Variants in ANKRD44 observed in about 807,000 individuals in gnomAD.
ANKRD44 encodes the protein serine/threonine-protein phosphatase 6 regulatory ankyrin repeat subunit B.
A neutral mutation model predicts 116.0 loss-of-function variants in ANKRD44; 35 were observed. The observed-to-expected ratio is 0.30, with a 90% CI of 0.23 to 0.40. The LOEUF (loss-of-function observed/expected upper bound fraction) is 0.40, where lower values mean the gene tolerates loss of function less well. Ranked by LOEUF, ANKRD44 falls within the 10% of genes least tolerant of loss-of-function variation. ANKRD44 has a pLI of 1.00. For synonymous variants in ANKRD44, 435 were observed against 461.8 expected (o/e 0.94, Z 0.74); for missense variants, 1,014 against 1,242.6 (o/e 0.82, Z 2.77).
intron 8 of ANKRD44, among the ~76,000 whole-genome samples, chr2:197,119,041 T>C (rs2078790478): frequency 6.6e-6 from 1 of 152,192 alleles, no homozygotes; most frequent in South Asian, 2.1e-4. Flanking sequence ...TTGATTTGTA[T>C]GAGCTCTTTT....
chr2:197,131,012 G>A (rs1427435696), intron 4 of ANKRD44, among the ~76,000 whole-genome samples: 1 of 152,164 alleles, frequency 6.6e-6, no homozygotes, highest in Non-Finnish European at 1.5e-5. Context: ...AGCTTCTCTA[G>A]TCACACTTTC....
chr2:197,158,521 T>C (rs1362526252), intron 2 of ANKRD44, among the ~76,000 whole-genome samples: 1 of 152,128 alleles, frequency 6.6e-6, no homozygotes, highest in East Asian at 1.9e-4. Flanking sequence ...AACATAATCA[T>C]CTGGGAAACT....
intron 15 of ANKRD44, 147 bp downstream of exon 15, chr2:197,081,497 GT>G: frequency 1.4e-6 from 1 of 700,790 alleles, no homozygotes; most frequent in Non-Finnish European, 2.5e-6. Context: ...TAAAAGAATA[GT>G]TTCTTCCCCA....
chr2:197,093,598 A>G (rs1437635468), intron 10 of ANKRD44, among the ~76,000 whole-genome samples: 2 of 152,250 alleles, frequency 1.3e-5, no homozygotes, highest in South Asian at 2.1e-4. Context: ...GCGCTTGCAT[A>G]TGAAACTATG....
chr2:197,222,820 A>AT (rs533208791), intron 1 of ANKRD44, among the ~76,000 whole-genome samples: 43,212 of 146,768 alleles, frequency 0.29, 7,727 homozygotes, highest in African/African-American at 0.52. Flanking sequence ...TTATTTATTT[A>AT]TTTTTTTTTT....
chr2:197,310,669 G>T lies in ANKRD44; in HGVS notation c.-65C>A. The T allele has an allele frequency of 7.7e-7, 1 of 1,304,834 alleles. No homozygotes were observed. Among genetic ancestry groups the T allele is most frequent in the Non-Finnish European group, 1.0e-6 (1 of 1,003,768 alleles). 80.8% of individuals were successfully genotyped at this position (1,304,834 alleles called of 1,614,324 possible). Reference sequence around the variant, plus strand: ...GCCCGCAGATGTCACGCCGGGAGCCGGGGAAGCGGAAGGGATTGCCAGGAG... The same window carrying T: ...GCCCGCAGATGTCACGCCGGGAGCCTGGGAAGCGGAAGGGATTGCCAGGAG... On this transcript the variant is annotated 5_prime_UTR_variant, in exon 1 of 28. Coordinates refer to ENST00000282272, the MANE Select transcript of ANKRD44 (RefSeq NM_001195144.2).
chr2:197,024,293 C>T (rs1205618316), intron 17 of ANKRD44, among the ~76,000 whole-genome samples: 2 of 152,232 alleles, frequency 1.3e-5, no homozygotes, highest in African/African-American at 2.4e-5. Context: ...TCCCATTCTT[C>T]CTGGTGTCCT....
chr2:196,988,102 A>G lies in ANKRD44; in HGVS notation c.*1489T>C, dbSNP rs1340843129. ...GAAAAGTCAAAACGCAGCTCCATGG[A>G]GATAACGTCTCATGGTGAGTCACTG... On this transcript the variant is annotated 3_prime_UTR_variant, in exon 28 of 28. Coordinates refer to ENST00000282272, the MANE Select transcript of ANKRD44 (RefSeq NM_001195144.2). The G allele has an allele frequency of 1.0e-6, 1 of 985,254 alleles. No homozygotes were observed. The highest frequency in any genetic ancestry group is 1.2e-6 in the Non-Finnish European group (1 of 829,916). The allele number at this position is 985,254 out of a possible 1,614,324, so 61.0% of individuals were successfully genotyped here.
chr2:197,161,886 A>G (rs1027147228), intron 2 of ANKRD44, among the ~76,000 whole-genome samples: 1 of 152,178 alleles, frequency 6.6e-6, no homozygotes, highest in African/African-American at 2.4e-5. Context: ...CTCTCTGGGC[A>G]ATCTGACCTC....
intron 16 of ANKRD44, among the ~76,000 whole-genome samples, chr2:197,044,565 T>C (rs1315683468): frequency 6.6e-6 from 1 of 152,170 alleles, no homozygotes; most frequent in Non-Finnish European, 1.5e-5. Context: ...TTCACCATGT[T>C]GGCCAGGCTG....
At chr2:197,081,474 T>C (rs1437756944) in intron 15 of ANKRD44, among the ~76,000 whole-genome samples, 171 bp downstream of exon 15, 1 of 152,172 alleles carries the variant, frequency 6.6e-6, no homozygotes. Flanking sequence ...AATAGCAGAA[T>C]TGAAGGCTGT....
intron 16 of ANKRD44, among the ~76,000 whole-genome samples, chr2:197,056,636 G>T (rs1334049936): frequency 2.0e-5 from 3 of 151,944 alleles, no homozygotes; most frequent in African/African-American, 7.3e-5. Context: ...TAGTTTTAAT[G>T]GAAATAACAT....
intron 21 of ANKRD44, among the ~76,000 whole-genome samples, chr2:196,975,142 C>A (rs953006003): frequency 1.3e-5 from 2 of 152,022 alleles, no homozygotes; most frequent in African/African-American, 2.4e-5. Flanking sequence ...TTACTACTAA[C>A]CTTACAGCAA....
downstream of ANKRD44, among the ~76,000 whole-genome samples, chr2:196,985,355 T>C (rs1001188455): frequency 2.0e-5 from 3 of 152,224 alleles, no homozygotes; most frequent in Admixed American, 6.5e-5. Flanking sequence ...TTTGGGGTAA[T>C]TTGTTACACA....
chr2:197,062,438 A>G (rs1173966288), intron 16 of ANKRD44, among the ~76,000 whole-genome samples: 3 of 152,226 alleles, frequency 2.0e-5, no homozygotes, highest in Admixed American at 1.3e-4. Context: ...TCAGGAAGAC[A>G]ACATCCGATC....
At chr2:197,118,629 G>A (rs62279217) in intron 8 of ANKRD44, among the ~76,000 whole-genome samples, 2 of 75,330 alleles carry the variant, frequency 2.7e-5, no homozygotes, top group East Asian at 2.7e-4. Context: ...GAGAGAGAGA[G>A]AGAGAGAGAG....
intron 1 of ANKRD44, among the ~76,000 whole-genome samples, chr2:197,225,590 CGCCTCA>C (rs1367115557): frequency 6.6e-6 from 1 of 152,174 alleles, no homozygotes; most frequent in African/African-American, 2.4e-5. Context: ...GTGATCTACC[CGCCTCA>C]GCCTGCCAAA....
chr2:197,077,828 A>G (rs907383985), intron 16 of ANKRD44: 1 of 152,226 alleles, frequency 6.6e-6, no homozygotes, highest in Admixed American at 6.5e-5. Flanking sequence ...AATGTTTTAT[A>G]ATTGTCACAA....
At chr2:197,155,571 A>G (rs1574567219) in intron 2 of ANKRD44, among the ~76,000 whole-genome samples, 1 of 152,366 alleles carries the variant, frequency 6.6e-6, no homozygotes, top group East Asian at 1.9e-4. Flanking sequence ...TGGTGCAAAG[A>G]AAACTCTGGT....
Sources: allele counts gnomAD v4.1 joint callset (sites outside exome capture counted in the v4.1 genomes callset), GRCh38; gene constraint gnomAD v4.1.1; transcripts MANE v1.5; gene names NCBI Gene and HGNC (gene_info 2026-07-23, HGNC 2026-07-21).